The following PCNX4 variants were observed in gnomAD, a reference collection of about 807,000 sequenced individuals.
The protein encoded by PCNX4 is pecanex-like protein 4.
PCNX4 carries 103 observed loss-of-function variants against 107.2 expected under a neutral mutation model. That is an observed-to-expected ratio of 0.96 (90% CI 0.82 to 1.13). The LOEUF (loss-of-function observed/expected upper bound fraction) is 1.13. Among genes scored for constraint, PCNX4 ranks in the 50% most tolerant of loss-of-function variants. The pLI is 0.00. For synonymous variants in PCNX4, 541 were observed against 481.7 expected (o/e 1.12, Z -1.61); for missense variants, 1,528 against 1,379.4 (o/e 1.11, Z -1.71).
chr14:60,126,615 T>C (rs556492740), intron 10 of PCNX4, among the ~76,000 whole-genome samples: 71 of 152,150 alleles, frequency 4.7e-4, no homozygotes, highest in Non-Finnish European at 9.1e-4. Flanking sequence ...CTCAGACTGG[T>C]ACAACCCAGA....
At position 60,091,996 on chromosome 14, in the gene PCNX4, G is replaced by A. The variant is rs1895301927; in HGVS notation, c.-477G>A. ...CGCTGCTGCTTCTGCTAGGCCCAGT[G>A]CGAGACCAGAGCACGAGCGACTCCC... On this transcript the variant is annotated 5_prime_UTR_variant, in exon 1 of 11. Transcript: ENST00000406854. 1 of 152,416 alleles carries A rather than the reference G, an allele frequency of 6.6e-6. No individual in the cohort carries two copies. Among genetic ancestry groups the A allele is most frequent in the Non-Finnish European group, 1.5e-5 (1 of 68,194 alleles). The allele number at this position is 152,416 out of a possible 1,614,324, so 9.4% of individuals were successfully genotyped here.
chr14:60,105,528 G>A (rs1895612831), intron 1 of PCNX4, among the ~76,000 whole-genome samples: 1 of 152,162 alleles, frequency 6.6e-6, no homozygotes, highest in African/African-American at 2.4e-5. Flanking sequence ...ATATATAGGT[G>A]TGTGTACTCT....
chr14:60,104,474 G>GC (rs1213024462), intron 1 of PCNX4, among the ~76,000 whole-genome samples: 1 of 152,054 alleles, frequency 6.6e-6, no homozygotes, highest in East Asian at 1.9e-4. Context: ...AAGGTATTTT[G>GC]CTAAATATGG....
intron 1 of PCNX4, among the ~76,000 whole-genome samples, chr14:60,094,440 G>A (rs912245504): frequency 1.3e-5 from 2 of 152,104 alleles, no homozygotes; most frequent in Admixed American, 6.5e-5. Flanking sequence ...TGGTCAAAGT[G>A]ACACATTCCA....
Position 60,125,728 on chromosome 14 carries a change from G to A in PCNX4, c.3172G>A (p.Asp1058Asn). ...LIKYLEEYER[D>N]WYIGLVSDEK... is the part of the protein sequence containing the mutation. ...TAAGTACCTTGAAGAATATGAACGT[G>A]ACTGGTACATTGGTTTGGTATCTGA... Residue 1058 changes from aspartate (D) to asparagine (N), a missense_variant, in exon 10 of 11, where the codon GAC becomes AAC. Transcript: ENST00000406854. 1 of 1,611,120 alleles carries A rather than the reference G, an allele frequency of 6.2e-7. No homozygotes were observed. The highest frequency in any genetic ancestry group is 1.3e-5 in the African/African-American group (1 of 74,902).
At position 60,138,186 on chromosome 14, in the gene PCNX4, G is replaced by A. The variant is rs894864370; in HGVS notation, c.*3965G>A. The A allele has an allele frequency of 4.6e-5, 7 of 151,722 alleles. No homozygotes were observed. The highest frequency in any genetic ancestry group is 1.7e-4 in the African/African-American group (7 of 41,308). 9.4% of individuals were successfully genotyped at this position (151,722 alleles called of 1,614,324 possible). ...TAGTGAACTAGAAGTTATGTCAGAA[G>A]TAAATACCAGATGTGAAAAACTAAG... On this transcript the variant is annotated 3_prime_UTR_variant, in exon 11 of 11. Coordinates refer to ENST00000406854, the MANE Select transcript of PCNX4 (RefSeq NM_001330177.2).
chr14:60,111,359 A>G (rs559497945), intron 2 of PCNX4, among the ~76,000 whole-genome samples: 2 of 152,250 alleles, frequency 1.3e-5, no homozygotes, highest in Admixed American at 6.5e-5. Flanking sequence ...CTAATCGAAA[A>G]CGTAAGGGGA....
rs180963733 is a variant in PCNX4, at chr14:60,145,810, T to G, written c.*11589T>G. 360 of 152,192 alleles carry G rather than the reference T, an allele frequency of 2.4e-3. 1 individual carries two copies. The highest frequency in any genetic ancestry group is 8.0e-3 in the African/African-American group (331 of 41,546). 9.4% of individuals were successfully genotyped at this position (152,192 alleles called of 1,614,324 possible). On this transcript the variant is annotated 3_prime_UTR_variant, in exon 11 of 11. Transcript: ENST00000406854. This position sits in a 1 kb window ranked among gnomAD's most constrained non-coding sequence, Gnocchi z 4.0. The stretch of plus-strand genomic sequence containing the variant: ...TATGCATTTACCACTTTCAAAACTT[T>G]GCACTAAGAAAGACAAAATAATAAT...
Position 60,110,744 on chromosome 14 carries a change from A to G in PCNX4, c.689+2417A>G, listed in dbSNP as rs917276152. 3.0e-5 allele frequency: 5 copies of G among 167,172 alleles called. No individual in the cohort carries two copies. The Admixed American group carries it at 3.3e-4, about 11-fold the overall frequency. The allele number at this position is 167,172 out of a possible 1,614,324, so 10.4% of individuals were successfully genotyped here. ...CTTTGAATTTTAGCCATCAGAGTTA[A>G]TGCTAGAATGAGTGAAGACTTTGGG... On this transcript the variant is annotated intron_variant, in intron 2 of 10. Transcript: ENST00000406854.
At chr14:60,098,666 C>T (rs192262703) in intron 1 of PCNX4, among the ~76,000 whole-genome samples, 5 of 152,182 alleles carry the variant, frequency 3.3e-5, no homozygotes, top group South Asian at 2.1e-4. Context: ...TTGCTGGGCA[C>T]GGTGGCTCAC....
intron 7 of PCNX4, among the ~76,000 whole-genome samples, chr14:60,119,129 C>G (rs1370866161): frequency 6.6e-6 from 1 of 152,096 alleles, no homozygotes; most frequent in Admixed American, 6.5e-5. Flanking sequence ...TTTGTTCATG[C>G]TTTATGAGTT....
intron 1 of PCNX4, among the ~76,000 whole-genome samples, chr14:60,100,208 G>A (rs965066942): frequency 2.0e-5 from 3 of 152,030 alleles, no homozygotes; most frequent in African/African-American, 7.3e-5. Flanking sequence ...TAGAAAAATA[G>A]GCAAAGGACA....
chr14:60,124,100 T>C, intron 8 of PCNX4, 118 bp from the exon 9 acceptor site: 1 of 807,690 alleles, frequency 1.2e-6, no homozygotes, highest in East Asian at 2.9e-5. Flanking sequence ...GTTAAAGAAA[T>C]TGTTTTTGTC....
chr14:60,097,557 C>T (rs1056298474), intron 1 of PCNX4, among the ~76,000 whole-genome samples: 1 of 152,200 alleles, frequency 6.6e-6, no homozygotes, highest in Non-Finnish European at 1.5e-5. Context: ...ATATGTGGGC[C>T]TTTCCAAACA....
At chr14:60,119,298 AAC>A (rs1370129822) in intron 7 of PCNX4, among the ~76,000 whole-genome samples, 2 of 152,176 alleles carry the variant, frequency 1.3e-5, no homozygotes, top group African/African-American at 4.8e-5. Context: ...GCTTTTGTCA[AAC>A]ACTAACTGTA....
At chr14:60,131,892 G>A (rs1896161204) in intron 10 of PCNX4, among the ~76,000 whole-genome samples, 1 of 152,144 alleles carries the variant, frequency 6.6e-6, no homozygotes, top group East Asian at 1.9e-4. Flanking sequence ...AAACCCATGG[G>A]TCTTTAGCCA....
At chr14:60,122,640 A>G (rs994875602) in intron 8 of PCNX4, among the ~76,000 whole-genome samples, 13 of 151,884 alleles carry the variant, frequency 8.6e-5, no homozygotes, top group Non-Finnish European at 4.4e-5. Flanking sequence ...CTTCTCACAA[A>G]CTATGTAATT....
Position 60,142,947 on chromosome 14 carries a change from C to CT in PCNX4, c.*8726_*8727insT, listed in dbSNP as rs1896323638. 2 of 151,812 alleles carry CT rather than the reference C, an allele frequency of 1.3e-5. No homozygotes were observed. The highest frequency in any genetic ancestry group is 4.9e-5 in the African/African-American group (2 of 41,184). The allele number at this position is 151,812 out of a possible 1,614,324, so 9.4% of individuals were successfully genotyped here. On this transcript the variant is annotated 3_prime_UTR_variant, in exon 11 of 11. Coordinates refer to ENST00000406854, the MANE Select transcript of PCNX4 (RefSeq NM_001330177.2). The surrounding 1 kb of genome is among the most constrained non-coding windows in gnomAD (Gnocchi z 4.7). ...CCACTGTACTCTAGCCTGGGCGACA[C>CT]AGTAAGACTCCATCTCCAAAAGAAA...
intron 6 of PCNX4, 142 bp from the exon 7 acceptor site, chr14:60,118,187 C>A (rs1196068673): frequency 2.5e-6 from 3 of 1,221,530 alleles, no homozygotes; most frequent in Middle Eastern, 3.0e-4. Flanking sequence ...AGAAAATTAA[C>A]AAAAAAATCA....
Sources: allele counts gnomAD v4.1 joint callset (sites outside exome capture counted in the v4.1 genomes callset), GRCh38; gene constraint gnomAD v4.1.1; non-coding constraint Gnocchi (gnomAD v3.1); transcripts MANE v1.5; gene names NCBI Gene and HGNC (gene_info 2026-07-23, HGNC 2026-07-21).